NFIC: variants seen among roughly 807,000 people sequenced by gnomAD.
The protein encoded by NFIC is nuclear factor 1 C-type.
Under a neutral mutation model 54.4 loss-of-function variants are expected in NFIC, and 12 were observed. The observed-to-expected ratio is 0.22, with a 90% confidence interval of 0.14 to 0.36. The LOEUF is 0.36. Ranked by LOEUF, NFIC falls within the 10% of genes least tolerant of loss-of-function variation. The pLI, the probability that NFIC is intolerant of heterozygous loss-of-function variation, is 1.00. For synonymous variants in NFIC, 322 were observed against 319.2 expected (o/e 1.01, Z -0.09); for missense variants, 575 against 718.2 (o/e 0.80, Z 2.28).
At chr19:3,413,018 G>T (rs2081790509) in intron 2 of NFIC, among the ~76,000 whole-genome samples, 1 of 152,132 alleles carries the variant, frequency 6.6e-6, no homozygotes, top group East Asian at 1.9e-4. Context: ...CCCAGCCTGG[G>T]GCTCACTGCA....
At chr19:3,437,926 C>T (rs1450966950) in intron 6 of NFIC, among the ~76,000 whole-genome samples, 1 of 152,062 alleles carries the variant, frequency 6.6e-6, no homozygotes, top group Non-Finnish European at 1.5e-5. Context: ...GATCCGCCAA[C>T]CTCAAGTGAT....
In NFIC at chr19:3,464,139, A is replaced by T. The variant is rs1253778988; in HGVS notation, c.*1370A>T. ...GCGACCCCCCTCCCTGGTGCCTCCC[A>T]GCGAAGGGGGACCGCCGTTTGCACT... is the stretch of plus-strand genomic sequence containing the variant. On this transcript the variant is annotated 3_prime_UTR_variant, in exon 11 of 11. Coordinates refer to ENST00000443272, the MANE Select transcript of NFIC (RefSeq NM_001245002.2). 5.1e-6 allele frequency: 5 copies of T among 985,186 alleles called. No individual in the cohort carries two copies. The East Asian group carries it at 5.7e-4, about 112-fold the overall frequency. The allele number at this position is 985,186 out of a possible 1,614,324, so 61.0% of individuals were successfully genotyped here.
At chr19:3,435,015 G>T (rs1599683025) in intron 5 of NFIC, 68 bp from the exon 6 acceptor site, 1 of 1,481,738 alleles carries the variant, frequency 6.7e-7, no homozygotes, top group African/African-American at 1.4e-5. Context: ...AAGTAGCAAA[G>T]CCCGCCGTCG....
chr19:3,380,914 G>A (rs1016540159), intron 1 of NFIC, among the ~76,000 whole-genome samples: 4 of 150,828 alleles, frequency 2.7e-5, no homozygotes, highest in Admixed American at 1.3e-4. Context: ...TCGGCCTCCC[G>A]AAGCGCTGGG....
At chr19:3,388,295 CG>C (rs1424293689) in intron 2 of NFIC, among the ~76,000 whole-genome samples, 2 of 152,152 alleles carry the variant, frequency 1.3e-5, no homozygotes, top group Non-Finnish European at 2.9e-5. Context: ...ACCCCAACAG[CG>C]ATAATGATGG....
At chr19:3,446,207 C>T (rs1240403420) in intron 6 of NFIC, among the ~76,000 whole-genome samples, 1 of 152,248 alleles carries the variant, frequency 6.6e-6, no homozygotes, top group East Asian at 1.9e-4. Flanking sequence ...CTCTCTCCCT[C>T]CTCACTCCGT....
Position 3,441,877 on chromosome 19 carries a change from CG to C in NFIC, c.958+6672del, listed in dbSNP as rs567843667. On this transcript the variant is annotated intron_variant, in intron 6 of 10. Coordinates refer to ENST00000443272, the MANE Select transcript of NFIC (RefSeq NM_001245002.2). ...ACCCTGGGATGCTCCTCCTCCTCCT[CG>C]GCATCCTCCCCCCACCCTTCCCTGC... 5.3e-3 allele frequency among the ~76,000 whole-genome samples: 811 copies of C among 152,336 alleles called. 4 individuals are homozygous for C. The highest frequency in any genetic ancestry group is 9.7e-3 in the South Asian group (47 of 4,828).
At chr19:3,440,895 G>A (rs2082284256) in intron 6 of NFIC, among the ~76,000 whole-genome samples, 1 of 152,256 alleles carries the variant, frequency 6.6e-6, no homozygotes. Flanking sequence ...GCAGTGGTGC[G>A]ATCAGCGCCC....
At chr19:3,404,618 AGG>A (rs1369688741) in intron 2 of NFIC, among the ~76,000 whole-genome samples, 1 of 151,412 alleles carries the variant, frequency 6.6e-6, no homozygotes, top group East Asian at 2.0e-4. Context: ...CCAGGAGGGC[AGG>A]GCCGGGTGCC....
At chr19:3,432,266 G>C (rs1468584589) in intron 3 of NFIC, among the ~76,000 whole-genome samples, 1 of 152,136 alleles carries the variant, frequency 6.6e-6, no homozygotes, top group Admixed American at 6.6e-5. Flanking sequence ...TATTAGGTAG[G>C]AGCAATGCTG....
intron 2 of NFIC, among the ~76,000 whole-genome samples, chr19:3,422,240 T>C (rs923968443): frequency 5.3e-5 from 8 of 151,772 alleles, no homozygotes; most frequent in Non-Finnish European, 1.0e-4. Flanking sequence ...CCTGGACTGT[T>C]TTTTTGTATT....
rs534346233 is a variant in NFIC at position 3,435,120 on chromosome 19, G to A, written c.871G>A (p.Val291Met). ...CAAATCGGGCTCGATGGAGGAAGAC[G>A]TGGACACGAGCCCTGGCGGCGATTA... ...RHKSGSMEED[V>M]DTSPGGDYYT... The change falls in exon 6 of 11, where the codon GTG becomes ATG. Residue 291 changes from valine to methionine, a missense_variant. Physicochemically the swap from Val to Met is conservative, Grantham distance 21. Coordinates refer to ENST00000443272, the MANE Select transcript of NFIC (RefSeq NM_001245002.2). 15 of 1,606,000 alleles carry A rather than the reference G, an allele frequency of 9.3e-6. No individual in the cohort carries two copies. Among genetic ancestry groups the A allele is most frequent in the Non-Finnish European group, 1.3e-5 (15 of 1,176,648 alleles).
chr19:3,454,571 T>C (rs760404198), intron 9 of NFIC, among the ~76,000 whole-genome samples: 2 of 151,980 alleles, frequency 1.3e-5, no homozygotes, highest in African/African-American at 4.8e-5. Context: ...GGCATCCCTG[T>C]CCTGAGGTCC....
At position 3,463,153 on chromosome 19, in the gene NFIC, G is replaced by C; in HGVS notation, c.*384G>C. 9.2e-7 allele frequency: 1 copy of C among 1,091,828 alleles called. No homozygotes were observed. Among genetic ancestry groups the C allele is most frequent in the Non-Finnish European group, 1.1e-6 (1 of 898,196 alleles). The allele number at this position is 1,091,828 out of a possible 1,614,324, so 67.6% of individuals were successfully genotyped here. On this transcript the variant is annotated 3_prime_UTR_variant, in exon 11 of 11. Transcript: ENST00000443272. ...CGCCTGCTGCTCGGGAAGGACAGAC[G>C]CCGGCCGCCCGCCCGCGCCCCGGAG... is the stretch of plus-strand genomic sequence containing the variant.
rs10655460 is a variant in NFIC at position 3,436,133 on chromosome 19, TTTTG to T, written c.958+950_958+953del. On this transcript the variant is annotated intron_variant, in intron 6 of 10. Transcript: ENST00000443272. ...GTGAGCCACCACGCCCGGCCTCTGT[TTTTG>T]TTTGTTTGTTTGTTTGTTTGTTTTT... 2.0e-4 allele frequency among the ~76,000 whole-genome samples: 29 copies of T among 147,788 alleles called. 1 individual carries two copies. The highest frequency in any genetic ancestry group is 6.9e-3 in the Middle Eastern group (2 of 288).
At chr19:3,441,533 G>T (rs993552670) in intron 6 of NFIC, among the ~76,000 whole-genome samples, 1 of 152,244 alleles carries the variant, frequency 6.6e-6, no homozygotes, top group African/African-American at 2.4e-5. Flanking sequence ...TAAACATTTC[G>T]CAGCCTCTGA....
intron 2 of NFIC, among the ~76,000 whole-genome samples, chr19:3,401,525 C>T (rs777984358): frequency 6.6e-6 from 1 of 152,178 alleles, no homozygotes; most frequent in Non-Finnish European, 1.5e-5. Flanking sequence ...GCCTGCAAGC[C>T]GCACCTGCCT....
At chr19:3,416,333 A>G (rs1342918041) in intron 2 of NFIC, among the ~76,000 whole-genome samples, 1 of 149,462 alleles carries the variant, frequency 6.7e-6, no homozygotes, top group Non-Finnish European at 1.5e-5. Flanking sequence ...TATATTATAC[A>G]TAGGTATATA....
intron 6 of NFIC, among the ~76,000 whole-genome samples, chr19:3,447,461 G>A (rs928197949): frequency 6.6e-6 from 1 of 152,278 alleles, no homozygotes; most frequent in Middle Eastern, 3.4e-3. Flanking sequence ...AAGGGGCACC[G>A]TGTCATCTCC....
Sources: gnomAD v4.1 joint callset for allele counts (sites outside exome capture counted in the v4.1 genomes callset) on GRCh38, gnomAD v4.1.1 for gene constraint, MANE v1.5 for transcripts, NCBI Gene and HGNC (gene_info 2026-07-23, HGNC 2026-07-21) for gene names.